Variants in GLI3 observed in about 807,000 individuals in gnomAD.
The protein encoded by GLI3 is transcription activator GLI3.
Under a neutral mutation model 100.8 loss-of-function variants are expected in GLI3, and 20 were observed. That is an observed-to-expected ratio of 0.20 (90% CI 0.14 to 0.29). The LOEUF is 0.29. GLI3 is among the 10% of genes least tolerant of loss of function. The probability of loss-of-function intolerance (pLI) is 1.00; values close to 1 mark genes in which losing one functional copy is unlikely to be tolerated. For synonymous variants in GLI3, 938 were observed against 860.5 expected, an observed-to-expected ratio of 1.09 and a Z score of -1.58; for missense variants, 2,040 against 2,128.5, an observed-to-expected ratio of 0.96 and a Z score of 0.82.
chr7:42,153,111 T>C (rs374823543), intron 2 of GLI3, among the ~76,000 whole-genome samples: 17 of 152,314 alleles, frequency 1.1e-4, no homozygotes, highest in African/African-American at 4.1e-4. Flanking sequence ...TAATGGTGAA[T>C]TGGGAATTCT....
rs1458093840 is a variant in GLI3, at chr7:41,966,037, G to A, written c.3036C>T (p.Gly1012=). 3 of 1,591,814 alleles carry A rather than the reference G, an allele frequency of 1.9e-6. No homozygotes were observed. The highest frequency in any genetic ancestry group is 2.6e-6 in the Non-Finnish European group (3 of 1,175,386). Reference sequence around the variant, plus strand: ...CACGAGGCAGGGCCAGGCCCTCGGAGCCTGTCCGCACCGGGTCGCTGGCCC... The same window carrying A: ...CACGAGGCAGGGCCAGGCCCTCGGAACCTGTCCGCACCGGGTCGCTGGCCC... ...VRRASDPVRT[G]SEGLALPRVP... Residue 1012 remains glycine, a synonymous_variant, in exon 15 of 15, where the codon GGC becomes GGT. Coordinates refer to ENST00000395925, the MANE Select transcript of GLI3 (RefSeq NM_000168.6). The surrounding 1 kb of genome is among the most constrained non-coding windows in gnomAD (Gnocchi z 5.8).
chr7:41,993,908 A>G (rs748086393), intron 10 of GLI3, among the ~76,000 whole-genome samples: 8 of 152,182 alleles, frequency 5.3e-5, no homozygotes, highest in Non-Finnish European at 1.0e-4. Context: ...CTTTCAGACT[A>G]TAATTTTAGA....
chr7:42,064,289 G>A (rs926786590), intron 4 of GLI3, among the ~76,000 whole-genome samples: 1 of 152,156 alleles, frequency 6.6e-6, no homozygotes, highest in East Asian at 1.9e-4. Flanking sequence ...AAAAAACAAC[G>A]AACAAATTTA....
At chr7:42,129,390 ACC>A (rs1182699841) in intron 3 of GLI3, among the ~76,000 whole-genome samples, 2 of 152,214 alleles carry the variant, frequency 1.3e-5, no homozygotes, top group Non-Finnish European at 2.9e-5. Context: ...AAAAATTTCA[ACC>A]CATTTCTGCA....
chr7:42,193,497 T>C (rs1787868908), intron 2 of GLI3, among the ~76,000 whole-genome samples: 1 of 152,124 alleles, frequency 6.6e-6, no homozygotes, highest in Non-Finnish European at 1.5e-5. Context: ...AGGAATTCTA[T>C]TGGTAGCAAA....
intron 2 of GLI3, among the ~76,000 whole-genome samples, chr7:42,196,278 T>C (rs1238909192): frequency 1.3e-5 from 2 of 152,182 alleles, no homozygotes; most frequent in Admixed American, 6.5e-5. Flanking sequence ...GGAAACATAG[T>C]TGGATTATCT....
chr7:42,186,587 CT>C (rs1787720638), intron 2 of GLI3, among the ~76,000 whole-genome samples: 1 of 152,198 alleles, frequency 6.6e-6, no homozygotes, highest in Non-Finnish European at 1.5e-5. Context: ...GACAACACCC[CT>C]GACCATCAGT....
chr7:42,044,501 A>G lies in GLI3; in HGVS notation c.826+883T>C, dbSNP rs560143282. Among the ~76,000 whole-genome samples the G allele has an allele frequency of 3.3e-5, 5 of 152,358 alleles. No homozygotes were observed. In the East Asian group the frequency reaches 5.8e-4, roughly 18 times the overall value. On this transcript the variant is annotated intron_variant, in intron 6 of 14. Transcript: ENST00000395925. Reference sequence around the variant, plus strand: ...AATCATTACACACCTAAGGGACCCCAAAATAAGTGATACAACATGCATCAA... The same window carrying G: ...AATCATTACACACCTAAGGGACCCCGAAATAAGTGATACAACATGCATCAA...
intron 2 of GLI3, among the ~76,000 whole-genome samples, chr7:42,160,069 T>C (rs1011499373): frequency 1.3e-5 from 2 of 152,228 alleles, no homozygotes; most frequent in African/African-American, 4.8e-5. Context: ...GGTTGTCAGC[T>C]GCCTCCTCTA....
In GLI3 at chr7:42,026,107, A is replaced by C. The variant is rs1789102775; in HGVS notation, c.1242+92T>G. The C allele has an allele frequency of 3.8e-6, 3 of 796,248 alleles. No homozygotes were observed. In the Admixed American group the frequency reaches 6.0e-5, roughly 16 times the overall value. 49.3% of individuals were successfully genotyped at this position (796,248 alleles called of 1,614,324 possible). A position where few individuals can be genotyped will look rare whatever the true frequency, so the allele number is the denominator to read the frequency against. ...GCTAGTACAGAGGCTGTGAGAACAC[A>C]GAGGTGCCGTGTTGATTAACAGCTG... is the stretch of plus-strand genomic sequence containing the variant. On this transcript the variant is annotated intron_variant, in intron 8 of 14. Transcript: ENST00000395925.
chr7:41,991,304 G>T (rs1230813227), intron 10 of GLI3, among the ~76,000 whole-genome samples: 3 of 152,114 alleles, frequency 2.0e-5, no homozygotes, highest in African/African-American at 7.2e-5. Context: ...ATTGCCCAGG[G>T]CTTTTCCAGG....
At chr7:41,999,851 T>C (rs1788236227) in intron 10 of GLI3, among the ~76,000 whole-genome samples, 1 of 152,176 alleles carries the variant, frequency 6.6e-6, no homozygotes, top group African/African-American at 2.4e-5. Context: ...CCCAAGGCTC[T>C]ACAGAATCAG....
chr7:42,165,045 C>T (rs1337659425), intron 2 of GLI3, among the ~76,000 whole-genome samples: 1 of 151,402 alleles, frequency 6.6e-6, no homozygotes. Context: ...GAGGCCAAGG[C>T]GGGTGGATCA....
intron 13 of GLI3, among the ~76,000 whole-genome samples, chr7:41,969,366 G>A (rs1283331598): frequency 6.6e-6 from 1 of 152,158 alleles, no homozygotes; most frequent in Non-Finnish European, 1.5e-5. Context: ...TGTAGTCTCA[G>A]GTGGAATGCA....
chr7:41,966,807 C>T lies in GLI3; in HGVS notation c.2432-166G>A, dbSNP rs187426372. On this transcript the variant is annotated intron_variant, in intron 14 of 14. Coordinates refer to ENST00000395925, the MANE Select transcript of GLI3 (RefSeq NM_000168.6). The surrounding 1 kb of genome is among the most constrained non-coding windows in gnomAD (Gnocchi z 5.8). ...ACTACTCAGCTCTGCAGTGTAGCCC[C>T]AACACGGCCACAGAGAGCAGTGAGC... is the stretch of plus-strand genomic sequence containing the variant. Among the ~76,000 whole-genome samples the T allele has an allele frequency of 9.1e-4, 139 of 152,274 alleles. 1 individual carries two copies. Among genetic ancestry groups the T allele is most frequent in the African/African-American group, 3.3e-3 (139 of 41,542 alleles).
At chr7:42,149,787 T>C (rs1056081510) in intron 2 of GLI3, among the ~76,000 whole-genome samples, 2 of 152,260 alleles carry the variant, frequency 1.3e-5, no homozygotes, top group Admixed American at 6.5e-5. Flanking sequence ...AAAGCAGATA[T>C]GATTAACTAA....
intron 10 of GLI3, among the ~76,000 whole-genome samples, chr7:41,987,101 G>GACACAGAGAC (rs1554308382): frequency 7.1e-6 from 1 of 140,614 alleles, no homozygotes; most frequent in Non-Finnish European, 1.5e-5. Flanking sequence ...CACAGACACA[G>GACACAGAGAC]ACACACACAC....
At chr7:42,236,555 G>A (rs1289663913) in intron 1 of GLI3, among the ~76,000 whole-genome samples, 1 of 152,128 alleles carries the variant, frequency 6.6e-6, no homozygotes, top group Non-Finnish European at 1.5e-5. Flanking sequence ...CGCCCATCCC[G>A]AGCGCCGTGC....
At chr7:42,012,653 C>A (rs1041118767) in intron 10 of GLI3, among the ~76,000 whole-genome samples, 3 of 152,036 alleles carry the variant, frequency 2.0e-5, no homozygotes, top group Non-Finnish European at 4.4e-5. Flanking sequence ...ATGCTCTGGA[C>A]TGATAACAAG....
Sources: allele counts gnomAD v4.1 joint callset (sites outside exome capture counted in the v4.1 genomes callset), GRCh38; gene constraint gnomAD v4.1.1; non-coding constraint Gnocchi (gnomAD v3.1); transcripts MANE v1.5; gene names NCBI Gene and HGNC (gene_info 2026-07-23, HGNC 2026-07-21).